The following KIAA1217 variants were observed in gnomAD, a reference collection of about 807,000 sequenced individuals.
The protein encoded by KIAA1217 is sickle tail protein homolog.
In KIAA1217, 88 loss-of-function variants were observed where a neutral mutation model predicts 163.9. That is an observed-to-expected ratio of 0.54 (90% CI 0.45 to 0.64). The LOEUF is 0.64. Among genes scored for constraint, KIAA1217 ranks in the 30% least tolerant of loss-of-function variants. The probability of loss-of-function intolerance (pLI) is 0.00; values close to 1 mark genes in which losing one functional copy is unlikely to be tolerated. For missense variants in KIAA1217, 2,372 were observed against 2,475.0 expected, an observed-to-expected ratio of 0.96 and a Z score of 0.88; for synonymous variants, 903 against 923.1, an observed-to-expected ratio of 0.98 and a Z score of 0.39.
intron 2 of KIAA1217, among the ~76,000 whole-genome samples, chr10:24,262,264 A>T (rs1423217318): frequency 1.3e-5 from 2 of 152,130 alleles, no homozygotes; most frequent in Non-Finnish European, 2.9e-5. Context: ...GCAATCAAAC[A>T]TTGGCATGTG....
intron 1 of KIAA1217, among the ~76,000 whole-genome samples, chr10:23,878,684 G>A (rs1436567260): frequency 1.3e-5 from 2 of 151,898 alleles, no homozygotes; most frequent in Non-Finnish European, 2.9e-5. Context: ...CTTGCTGAGT[G>A]GATAATATAT....
intron 3 of KIAA1217, among the ~76,000 whole-genome samples, chr10:24,412,927 T>G (rs1487748243): frequency 6.6e-6 from 1 of 152,194 alleles, no homozygotes; most frequent in East Asian, 1.9e-4. Flanking sequence ...TCCCACAGTT[T>G]TCCCCATCTC....
intron 2 of KIAA1217, among the ~76,000 whole-genome samples, chr10:24,026,742 A>ATTTTTTTTTTTTTTTTTTTTTTTGTT: frequency 1.4e-5 from 1 of 70,094 alleles, no homozygotes; most frequent in Non-Finnish European, 2.7e-5. Flanking sequence ...TATTTCATTG[A>ATTTTTTTTTTTTTTTTTTTTTTTGTT]TTTTTTTTTT....
intron 1 of KIAA1217, among the ~76,000 whole-genome samples, chr10:23,769,413 C>G (rs556347327): frequency 6.6e-6 from 1 of 152,286 alleles, no homozygotes; most frequent in South Asian, 2.1e-4. Flanking sequence ...GGGGGACAGT[C>G]AGAATCTTGT....
At chr10:24,162,874 T>C (rs1271690118) in intron 2 of KIAA1217, among the ~76,000 whole-genome samples, 1 of 152,194 alleles carries the variant, frequency 6.6e-6, no homozygotes, top group African/African-American at 2.4e-5. Flanking sequence ...CTCACTTCCT[T>C]GCTATGTGGG....
intron 6 of KIAA1217, among the ~76,000 whole-genome samples, chr10:24,474,713 C>T (rs76209330): frequency 0.021 from 3,131 of 152,156 alleles, 103 homozygotes; most frequent in African/African-American, 0.071. Flanking sequence ...TTATAATTTA[C>T]CAATTCAGAA....
intron 2 of KIAA1217, among the ~76,000 whole-genome samples, chr10:24,128,501 T>A (rs2131800518): frequency 6.6e-6 from 1 of 152,342 alleles, no homozygotes. Flanking sequence ...GACTTCAACA[T>A]TTTTGCGCTG....
chr10:23,722,808 G>A (rs1837940237), intron 1 of KIAA1217, among the ~76,000 whole-genome samples: 1 of 152,186 alleles, frequency 6.6e-6, no homozygotes, highest in Non-Finnish European at 1.5e-5. Flanking sequence ...TGGACTGCAT[G>A]TAACAGAAAT....
intron 3 of KIAA1217, among the ~76,000 whole-genome samples, chr10:24,426,829 C>T (rs1182629925): frequency 1.3e-5 from 2 of 152,146 alleles, no homozygotes; most frequent in African/African-American, 4.8e-5. Context: ...GTAAGAGGTC[C>T]AGTCCCACTG....
intron 1 of KIAA1217, among the ~76,000 whole-genome samples, chr10:23,759,902 G>A (rs1834160705): frequency 1.3e-5 from 2 of 152,184 alleles, no homozygotes; most frequent in African/African-American, 4.8e-5. Context: ...AGTATGAAGA[G>A]TGCATTATTT....
Position 24,543,978 on chromosome 10 carries a change from A to G in KIAA1217, c.4708A>G (p.Lys1570Glu). ...GACCGATGACCAGTTTGAAAGCCCC[A>G]AGAAAAAGTTTAAATTCAAATTCCC... ...DATDDQFESPKKKFKFKFPKK... is the reference protein window; with the variant it reads ...DATDDQFESPEKKFKFKFPKK... Residue 1570 changes from lysine to glutamate, a missense_variant, in exon 19 of 21, where the codon AAG becomes GAG. Physicochemically the swap from Lys to Glu is moderately conservative, Grantham distance 56 (BLOSUM62 1). Around this residue, in one of 3 missense-constraint regions of KIAA1217, gnomAD observed 690 missense variants for 677.5 expected, o/e 1.02. Transcript: ENST00000376454. The G allele has an allele frequency of 6.2e-7, 1 of 1,614,122 alleles. No homozygotes were observed. The highest frequency in any genetic ancestry group is 8.5e-7 in the Non-Finnish European group (1 of 1,180,042).
At chr10:23,785,454 A>C (rs966771423) in intron 1 of KIAA1217, among the ~76,000 whole-genome samples, 1 of 152,168 alleles carries the variant, frequency 6.6e-6, no homozygotes, top group African/African-American at 2.4e-5. Flanking sequence ...GTCCCCCATT[A>C]GACTTTGGGC....
chr10:24,151,780 A>C (rs962786999), intron 2 of KIAA1217, among the ~76,000 whole-genome samples: 1 of 151,684 alleles, frequency 6.6e-6, no homozygotes, highest in East Asian at 1.9e-4. Flanking sequence ...AGCTACATAG[A>C]CTTAGGGGGA....
chr10:23,754,788 G>T (rs1833836602), intron 1 of KIAA1217, among the ~76,000 whole-genome samples: 1 of 151,220 alleles, frequency 6.6e-6, no homozygotes. Flanking sequence ...TTAATCTCTG[G>T]GCATCGCCTG....
chr10:24,118,854 TCA>T (rs1165246362), intron 2 of KIAA1217, among the ~76,000 whole-genome samples: 7 of 152,138 alleles, frequency 4.6e-5, no homozygotes, highest in Non-Finnish European at 1.0e-4. Flanking sequence ...TAGAACTAGA[TCA>T]GTCTTTCTTT....
chr10:24,521,991 T>G, intron 12 of KIAA1217, 62 bp downstream of exon 12: 1 of 1,554,574 alleles, frequency 6.4e-7, no homozygotes, highest in Non-Finnish European at 8.7e-7. Flanking sequence ...AAACCGAGAG[T>G]GGACGTTTGG....
intron 1 of KIAA1217, among the ~76,000 whole-genome samples, chr10:24,004,199 G>A (rs534049986): frequency 7.9e-5 from 12 of 152,068 alleles, no homozygotes; most frequent in East Asian, 1.9e-4. Flanking sequence ...GGCTGGTCTC[G>A]AAATCCTGAA....
intron 1 of KIAA1217, among the ~76,000 whole-genome samples, chr10:23,844,886 CT>C (rs1838947062): frequency 6.6e-6 from 1 of 152,112 alleles, no homozygotes; most frequent in Admixed American, 6.6e-5. Context: ...CTATCCTCCC[CT>C]AGCCCCCCGC....
chr10:24,483,074 C>A (rs1412929391), intron 6 of KIAA1217: 1 of 151,782 alleles, frequency 6.6e-6, no homozygotes, highest in Non-Finnish European at 1.5e-5. Context: ...ACTTGTATCA[C>A]CAGTAAATAC....
Sources: allele counts gnomAD v4.1 joint callset (sites outside exome capture counted in the v4.1 genomes callset), GRCh38; gene constraint gnomAD v4.1.1; regional missense constraint gnomAD v4.1.1; transcripts MANE v1.5; gene names NCBI Gene and HGNC (gene_info 2026-07-23, HGNC 2026-07-21).